The following ANKRD44 variants were observed in gnomAD, a reference collection of about 807,000 sequenced individuals.
The protein encoded by ANKRD44 is ankyrin repeat domain 44.
In ANKRD44, 35 loss-of-function variants were observed where a neutral mutation model predicts 116.0. The ratio of observed to expected loss-of-function variants is 0.30; its 90% confidence interval spans 0.23 to 0.40. The LOEUF (loss-of-function observed/expected upper bound fraction) is 0.40. ANKRD44 is among the 10% of genes least tolerant of loss of function. ANKRD44 has a pLI of 1.00. For synonymous variants in ANKRD44, 435 were observed against 461.8 expected (o/e 0.94, Z 0.74); for missense variants, 1,014 against 1,242.6 (o/e 0.82, Z 2.77).
intron 1 of ANKRD44, among the ~76,000 whole-genome samples, chr2:197,246,117 G>A (rs1325827656): frequency 6.6e-6 from 1 of 152,154 alleles, no homozygotes; most frequent in East Asian, 1.9e-4. Flanking sequence ...GGGTGACAGA[G>A]GAGAGTCCTC....
chr2:197,210,151 A>G (rs569522441), intron 1 of ANKRD44, among the ~76,000 whole-genome samples: 1 of 152,358 alleles, frequency 6.6e-6, no homozygotes, highest in South Asian at 2.1e-4. Flanking sequence ...TCCTAAAAAA[A>G]GAACAGCAGC....
chr2:197,286,116 A>G (rs1420360907), intron 1 of ANKRD44, among the ~76,000 whole-genome samples: 5 of 152,242 alleles, frequency 3.3e-5, no homozygotes, highest in Admixed American at 6.5e-5. Context: ...TTGCTGCTCT[A>G]TAAGGGTCCC....
chr2:197,056,194 C>T, intron 16 of ANKRD44, among the ~76,000 whole-genome samples: 1 of 151,924 alleles, frequency 6.6e-6, no homozygotes, highest in East Asian at 1.9e-4. Context: ...GTCTAAGTCC[C>T]CAGGTTGTTC....
At chr2:197,102,066 A>G (rs867391029) in intron 9 of ANKRD44, among the ~76,000 whole-genome samples, 2 of 151,978 alleles carry the variant, frequency 1.3e-5, no homozygotes, top group Non-Finnish European at 2.9e-5. Context: ...AAAACAAAAA[A>G]CAAAAACAAA....
intron 1 of ANKRD44, among the ~76,000 whole-genome samples, chr2:197,278,103 T>C (rs542890949): frequency 6.6e-6 from 1 of 151,984 alleles, no homozygotes; most frequent in African/African-American, 2.4e-5. Flanking sequence ...AATTAGCTAA[T>C]AGTGAGTGAC....
At position 197,186,164 on chromosome 2, in the gene ANKRD44, A is replaced by T. The variant is rs555679121; in HGVS notation, c.111+859T>A. On this transcript the variant is annotated intron_variant, in intron 2 of 27. Coordinates refer to ENST00000282272, the MANE Select transcript of ANKRD44 (RefSeq NM_001195144.2). ...GGAGGCCTGCAGAAAAAAATGTATG[A>T]TGTACCATAGGTTGCCAACCACTGC... Among the ~76,000 whole-genome samples the T allele has an allele frequency of 2.0e-5, 3 of 152,298 alleles. No individual in the cohort carries two copies. In the South Asian group the frequency reaches 6.2e-4, roughly 32 times the overall value.
intron 16 of ANKRD44, among the ~76,000 whole-genome samples, chr2:197,046,165 CT>C (rs1297745537): frequency 1.3e-5 from 2 of 152,154 alleles, no homozygotes; most frequent in African/African-American, 2.4e-5. Context: ...ATTTAACTTT[CT>C]TCCCTATTCT....
At chr2:197,110,723 A>G in intron 9 of ANKRD44, 43 bp downstream of exon 9, 8 of 1,555,634 alleles carry the variant, frequency 5.1e-6, no homozygotes, top group Non-Finnish European at 7.1e-6. Flanking sequence ...ATTCACAACA[A>G]GAAACTATCG....
chr2:197,083,295 A>G (rs2077839909), intron 14 of ANKRD44, 74 bp downstream of exon 14: 3 of 1,509,274 alleles, frequency 2.0e-6, no homozygotes, highest in South Asian at 2.7e-5. Flanking sequence ...GGCGGTATGA[A>G]GAAAACTTAG....
chr2:197,012,373 CA>C (rs146900052), intron 18 of ANKRD44, among the ~76,000 whole-genome samples: 11,798 of 152,066 alleles, frequency 0.078, 564 homozygotes, highest in African/African-American at 0.14. Context: ...TATATAATAA[CA>C]AAAATAGGAT....
chr2:197,231,132 C>T (rs1210360479), intron 1 of ANKRD44, among the ~76,000 whole-genome samples: 1 of 152,114 alleles, frequency 6.6e-6, no homozygotes, highest in African/African-American at 2.4e-5. Flanking sequence ...ACGGATAAAT[C>T]AATCTGAGGG....
intron 2 of ANKRD44, 44 bp downstream of exon 2, chr2:197,186,979 C>A (rs769761415): frequency 4.5e-6 from 7 of 1,552,284 alleles, no homozygotes; most frequent in Admixed American, 1.7e-5. Flanking sequence ...CTTTCCTGCT[C>A]CAGGCTAACA....
At position 197,099,884 on chromosome 2, in the gene ANKRD44, A is replaced by T; in HGVS notation, c.1032T>A (p.His344Gln). Residue 344 changes from histidine (H) to glutamine (Q), a missense_variant, in exon 10 of 28, where the codon CAT (histidine) becomes CAA (glutamine). By Grantham distance (24) the His-to-Gln change is conservative. Coordinates refer to ENST00000282272, the MANE Select transcript of ANKRD44 (RefSeq NM_001195144.2). ...CVDKDGNTPL[H>Q]VAARYGHELL... ...GCTCATGACCGTATCTTGCAGCCAC[A>T]TGGAGAGGAGTGTTGCCGTCCTTAT... 3 of 1,614,130 alleles carry T rather than the reference A, an allele frequency of 1.9e-6. No individual in the cohort carries two copies. Among genetic ancestry groups the T allele is most frequent in the Non-Finnish European group, 2.5e-6 (3 of 1,180,010 alleles).
chr2:197,130,070 G>C (rs2079062891), intron 4 of ANKRD44, among the ~76,000 whole-genome samples: 1 of 152,190 alleles, frequency 6.6e-6, no homozygotes, highest in Non-Finnish European at 1.5e-5. Flanking sequence ...TAATCTGTAA[G>C]TGTTAATTTT....
At chr2:197,220,942 G>A (rs930408525) in intron 1 of ANKRD44, among the ~76,000 whole-genome samples, 1 of 152,056 alleles carries the variant, frequency 6.6e-6, no homozygotes, top group African/African-American at 2.4e-5. Flanking sequence ...AACATTATTT[G>A]AATTATTGTA....
chr2:197,012,743 T>C (rs986574872), intron 18 of ANKRD44, among the ~76,000 whole-genome samples: 1 of 152,226 alleles, frequency 6.6e-6, no homozygotes, highest in Non-Finnish European at 1.5e-5. Context: ...TCTTCACTTA[T>C]TTGCTTCCTC....
intron 18 of ANKRD44, among the ~76,000 whole-genome samples, chr2:197,011,475 A>AT (rs1216186319): frequency 0.03 from 4,284 of 141,168 alleles, 95 homozygotes; most frequent in African/African-American, 0.059. Flanking sequence ...GCCCTCAGGT[A>AT]TTTTTTTTTT....
intron 16 of ANKRD44, among the ~76,000 whole-genome samples, chr2:197,028,286 G>C (rs967491731): frequency 6.6e-6 from 1 of 152,040 alleles, no homozygotes; most frequent in African/African-American, 2.4e-5. Context: ...GTGGTGGTGT[G>C]AACATAGCTC....
At chr2:197,025,075 G>A in intron 17 of ANKRD44, 121 bp downstream of exon 17, 4 of 947,766 alleles carry the variant, frequency 4.2e-6, no homozygotes, top group Admixed American at 1.9e-5. Flanking sequence ...CTTTTACCAC[G>A]GACTACTTTC....
Sources: gnomAD v4.1 joint callset for allele counts (sites outside exome capture counted in the v4.1 genomes callset) on GRCh38, gnomAD v4.1.1 for gene constraint, MANE v1.5 for transcripts, NCBI Gene and HGNC (gene_info 2026-07-23, HGNC 2026-07-21) for gene names.